The following PCLO variants were observed in gnomAD, a reference collection of about 807,000 sequenced individuals.
PCLO encodes the protein piccolo presynaptic cytomatrix protein, also known as protein piccolo.
Under a neutral mutation model 427.5 loss-of-function variants are expected in PCLO, and 82 were observed. The ratio of observed to expected loss-of-function variants is 0.19; its 90% confidence interval spans 0.16 to 0.23. The LOEUF (loss-of-function observed/expected upper bound fraction) is 0.23. PCLO is among the 10% of genes least tolerant of loss of function. The pLI, the probability that PCLO is intolerant of heterozygous loss-of-function variation, is 1.00. For missense variants in PCLO, 6,239 were observed against 6,115.9 expected, an observed-to-expected ratio of 1.02 and a Z score of -0.67; for synonymous variants, 2,357 against 2,155.4, an observed-to-expected ratio of 1.09 and a Z score of -2.59.
Position 82,954,413 on chromosome 7 carries a change from G to T in PCLO, c.6540C>A (p.Asp2180Glu). The change falls in exon 5 of 25, where the codon GAC (aspartate) becomes GAA (glutamate). Residue 2180 changes from aspartate (D) to glutamate (E), a missense_variant. Around this residue, in one of 5 missense-constraint regions of PCLO, gnomAD observed 4,677 missense variants for 4,468.4 expected, o/e 1.05. Transcript: ENST00000333891. ...SESATSVPPSDTPSLTSSVSS... is the reference protein window; with the variant it reads ...SESATSVPPSETPSLTSSVSS... ...AAACAGATGATGTGAGAGAAGGTGT[G>T]TCAGAGGGTGGGACAGATGTAGCAC... is the stretch of plus-strand genomic sequence containing the variant. The T allele has an allele frequency of 6.2e-7, 1 of 1,613,938 alleles. No homozygotes were observed. Among genetic ancestry groups the T allele is most frequent in the South Asian group, 1.1e-5 (1 of 91,084 alleles).
intron 20 of PCLO, among the ~76,000 whole-genome samples, chr7:82,810,083 T>G (rs1027779926): frequency 1.3e-5 from 2 of 151,686 alleles, no homozygotes; most frequent in Non-Finnish European, 3.0e-5. Context: ...CTTGTCCTGA[T>G]CCCATGTTTG....
chr7:83,024,339 G>T (rs983181867), intron 3 of PCLO, among the ~76,000 whole-genome samples: 3 of 152,236 alleles, frequency 2.0e-5, no homozygotes, highest in African/African-American at 7.2e-5. Context: ...AAAGAAAGGG[G>T]TGATGGACGG....
At chr7:82,894,070 T>A (rs1465924463) in intron 9 of PCLO, among the ~76,000 whole-genome samples, 1 of 151,892 alleles carries the variant, frequency 6.6e-6, no homozygotes, top group East Asian at 1.9e-4. Context: ...AGTAAAAAAA[T>A]TCAGAGAAAT....
intron 22 of PCLO, among the ~76,000 whole-genome samples, chr7:82,798,079 C>A (rs1350396432): frequency 6.6e-6 from 1 of 151,968 alleles, no homozygotes; most frequent in Non-Finnish European, 1.5e-5. Flanking sequence ...GTGAACAAAC[C>A]GTCTAAAAGT....
chr7:83,105,285 A>T (rs1395179922), intron 3 of PCLO, among the ~76,000 whole-genome samples: 1 of 152,156 alleles, frequency 6.6e-6, no homozygotes, highest in East Asian at 1.9e-4. Flanking sequence ...TCAAATCAGA[A>T]TATCCTCCAT....
At chr7:82,834,641 C>T (rs1792180764) in intron 16 of PCLO, among the ~76,000 whole-genome samples, 2 of 151,920 alleles carry the variant, frequency 1.3e-5, no homozygotes, top group South Asian at 2.1e-4. Flanking sequence ...CATGATTTGC[C>T]TTCCCAACTA....
chr7:82,829,434 G>A (rs938566825), intron 16 of PCLO, among the ~76,000 whole-genome samples: 14 of 152,146 alleles, frequency 9.2e-5, no homozygotes, highest in Non-Finnish European at 8.8e-5. Context: ...AAGAAGCACC[G>A]AGTTGGTGTT....
At chr7:82,764,877 A>G (rs1446963272) in intron 22 of PCLO, among the ~76,000 whole-genome samples, 1 of 151,934 alleles carries the variant, frequency 6.6e-6, no homozygotes, top group Non-Finnish European at 1.5e-5. Flanking sequence ...AGGCAAGTGA[A>G]CTAAAAAACT....
Position 82,960,338 on chromosome 7 carries a change from C to T in PCLO, c.4018-3403G>A, listed in dbSNP as rs370026410. Among the ~76,000 whole-genome samples the T allele has an allele frequency of 3.1e-4, 47 of 152,260 alleles. 1 individual carries two copies. The South Asian group carries it at 9.5e-3, about 31-fold the overall frequency. On this transcript the variant is annotated intron_variant, in intron 4 of 24. Transcript: ENST00000333891. ...GAAAGATCGGATGCTCTCATCTAAG[C>T]ACTATAATATGGGAGTCCTCCTCAC...
At chr7:82,795,581 T>G (rs1791206969) in intron 22 of PCLO, among the ~76,000 whole-genome samples, 1 of 152,184 alleles carries the variant, frequency 6.6e-6, no homozygotes, top group South Asian at 2.1e-4. Context: ...AGTCAGGTGA[T>G]GTTAGATTAG....
chr7:82,897,372 G>A (rs1793929150), intron 9 of PCLO, among the ~76,000 whole-genome samples: 1 of 151,428 alleles, frequency 6.6e-6, no homozygotes, highest in Non-Finnish European at 1.5e-5. Context: ...AAAGTTAAAG[G>A]ATATATTTTT....
At chr7:83,132,871 C>T (rs1354153213) in intron 3 of PCLO, among the ~76,000 whole-genome samples, 3 of 151,854 alleles carry the variant, frequency 2.0e-5, no homozygotes, top group East Asian at 1.9e-4. Context: ...GAATTGACAA[C>T]CAAAAACTGC....
At chr7:83,036,972 TA>T (rs1275929757) in intron 3 of PCLO, among the ~76,000 whole-genome samples, 1 of 152,054 alleles carries the variant, frequency 6.6e-6, no homozygotes, top group African/African-American at 2.4e-5. Flanking sequence ...TAAACAGTGA[TA>T]AGAAATGAAG....
At chr7:82,941,439 A>G (rs1028276086) in intron 6 of PCLO, among the ~76,000 whole-genome samples, 1 of 152,190 alleles carries the variant, frequency 6.6e-6, no homozygotes, top group Admixed American at 6.5e-5. Context: ...AGCTGTTAAT[A>G]CTGGGGTCTT....
chr7:82,857,341 G>A (rs1177069660), intron 10 of PCLO, among the ~76,000 whole-genome samples: 1 of 152,022 alleles, frequency 6.6e-6, no homozygotes, highest in Admixed American at 6.6e-5. Context: ...TGCCTCCTCT[G>A]CTTTAAGTAT....
rs1230583661 is a variant in PCLO at position 83,155,262 on chromosome 7, G to T, written c.1379C>A (p.Ser460Tyr). ...PAQQAGPGKT[S>Y]AQQTGPTKPP... The stretch of plus-strand genomic sequence containing the variant: ...CTTTGTTGGGCCAGTCTGCTGGGCA[G>T]AAGTCTTTCCGGGTCCTGCCTGTTG... Residue 460 changes from serine to tyrosine, a missense_variant, in exon 2 of 25, where the codon TCT (serine) becomes TAT (tyrosine). Around this residue, in one of 5 missense-constraint regions of PCLO, gnomAD observed 4,677 missense variants for 4,468.4 expected, o/e 1.05. Coordinates refer to ENST00000333891, the MANE Select transcript of PCLO (RefSeq NM_033026.6). 6 of 1,613,792 alleles carry T rather than the reference G, an allele frequency of 3.7e-6. No homozygotes were observed. The Admixed American group carries it at 1.0e-4, about 27-fold the overall frequency.
chr7:83,019,664 G>A (rs1054939199), intron 3 of PCLO, among the ~76,000 whole-genome samples: 1 of 151,964 alleles, frequency 6.6e-6, no homozygotes, highest in Non-Finnish European at 1.5e-5. Context: ...CTATTTAGGA[G>A]AACCAATGTC....
chr7:83,147,550 C>T (rs1402259829), intron 2 of PCLO, among the ~76,000 whole-genome samples: 1 of 152,012 alleles, frequency 6.6e-6, no homozygotes, highest in East Asian at 1.9e-4. Context: ...AGAAACTGAC[C>T]AAACTTGGCA....
intron 3 of PCLO, among the ~76,000 whole-genome samples, chr7:83,063,884 C>T (rs1789599796): frequency 6.6e-6 from 1 of 152,046 alleles, no homozygotes; most frequent in Non-Finnish European, 1.5e-5. Context: ...AAACATCTAC[C>T]TCAATTTTGC....
Sources: gnomAD v4.1 joint callset for allele counts (sites outside exome capture counted in the v4.1 genomes callset) on GRCh38, gnomAD v4.1.1 for gene constraint, gnomAD v4.1.1 regional missense constraint, MANE v1.5 for transcripts, NCBI Gene and HGNC (gene_info 2026-07-23, HGNC 2026-07-21) for gene names.